The following ANKRD26 variants were observed in gnomAD, a reference collection of about 807,000 sequenced individuals.
ANKRD26 encodes ankyrin repeat domain 26, also known as ankyrin repeat domain-containing protein 26.
ANKRD26 carries 141 observed loss-of-function variants against 208.7 expected under a neutral mutation model. That is an observed-to-expected ratio of 0.68 (90% confidence interval 0.59 to 0.78). The LOEUF (loss-of-function observed/expected upper bound fraction) is 0.78, where lower values mean the gene tolerates loss of function less well. Ranked by LOEUF, ANKRD26 falls within the 30% of genes least tolerant of loss-of-function variation. ANKRD26 has a pLI of 0.00. For synonymous variants in ANKRD26, 636 were observed against 660.4 expected (o/e 0.96, Z 0.57); for missense variants, 1,889 against 1,938.7 (o/e 0.97, Z 0.48).
chr10:26,949,372 A>T, the ANKRD26 span, among the ~76,000 whole-genome samples: 1 of 152,168 alleles, frequency 6.6e-6, no homozygotes, highest in Non-Finnish European at 1.5e-5. Context: ...TAAAATACAA[A>T]CAGTCCATGA....
chr10:26,973,649 C>CTT (rs71386903), downstream of ANKRD26, among the ~76,000 whole-genome samples: 25,670 of 88,206 alleles, frequency 0.29, 5,863 homozygotes, highest in Middle Eastern at 0.41. Flanking sequence ...TTTATTTGTC[C>CTT]TTTTTTTTTT....
chr10:26,988,771 C>A (rs1164495900), downstream of ANKRD26, among the ~76,000 whole-genome samples: 2 of 151,300 alleles, frequency 1.3e-5, no homozygotes, highest in Non-Finnish European at 2.9e-5. Flanking sequence ...TCAAGCCGGG[C>A]ATGATGGCTC....
chr10:26,968,290 T>A, the ANKRD26 span, among the ~76,000 whole-genome samples: 1 of 152,202 alleles, frequency 6.6e-6, no homozygotes, highest in Non-Finnish European at 1.5e-5. Context: ...CTTCCTTTCA[T>A]TCTCTCCCCA....
At chr10:26,963,517 C>T in the ANKRD26 span, among the ~76,000 whole-genome samples, 2 of 152,158 alleles carry the variant, frequency 1.3e-5, no homozygotes, top group African/African-American at 4.8e-5. Flanking sequence ...GCTGCCCATT[C>T]CTGGATAGCA....
chr10:27,044,438 A>AT (rs1363928043), intron 18 of ANKRD26, among the ~76,000 whole-genome samples: 2 of 152,126 alleles, frequency 1.3e-5, no homozygotes, highest in African/African-American at 4.8e-5. Flanking sequence ...TAACAAACAA[A>AT]TTTAGATCAA....
At chr10:27,026,939 T>C (rs1395680033) in intron 27 of ANKRD26, among the ~76,000 whole-genome samples, 5 of 152,026 alleles carry the variant, frequency 3.3e-5, no homozygotes, top group Admixed American at 6.6e-5. Flanking sequence ...GGGCCTGCCA[T>C]CACGCCTGGC....
intron 32 of ANKRD26, 49 bp from the exon 33 acceptor site, chr10:27,007,011 A>T (rs1427909956): frequency 7.2e-7 from 1 of 1,382,822 alleles, no homozygotes; most frequent in Non-Finnish European, 1.0e-6. Context: ...GACAAGAGAC[A>T]TTAACATAGA....
At chr10:27,018,811 T>A (rs1189640740) in intron 29 of ANKRD26, among the ~76,000 whole-genome samples, 1 of 152,070 alleles carries the variant, frequency 6.6e-6, no homozygotes, top group Non-Finnish European at 1.5e-5. Flanking sequence ...TAGACCCCTA[T>A]CGAACACCAT....
chr10:27,100,057 C>G, intron 1 of ANKRD26, 28 bp downstream of exon 1: 8 of 1,613,096 alleles, frequency 5.0e-6, no homozygotes, highest in Non-Finnish European at 6.8e-6. Flanking sequence ...TCCAGTGGCA[C>G]TCAGTCCGGG....
At position 27,093,533 on chromosome 10, in the gene ANKRD26, T is replaced by C. The variant is rs1343660678; in HGVS notation, c.358-11A>G. The C allele has an allele frequency of 3.1e-6, 5 of 1,613,906 alleles. No homozygotes were observed. The African/African-American group carries it at 4.0e-5, about 13-fold the overall frequency. ...CTGGCATTGTACAGCCTGGGAGTAT[T>C]AGACCAAGAAACAGATCATAAATTC... is the stretch of plus-strand genomic sequence containing the variant. On this transcript the variant is annotated splice_polypyrimidine_tract_variant and intron_variant, in intron 2 of 33. Coordinates refer to ENST00000376087, the MANE Select transcript of ANKRD26 (RefSeq NM_014915.3).
chr10:26,950,761 T>G, the ANKRD26 span, among the ~76,000 whole-genome samples: 11 of 152,140 alleles, frequency 7.2e-5, no homozygotes, highest in Admixed American at 7.2e-4. Flanking sequence ...CTTTTTTCTT[T>G]ATAAATGACC....
rs10829175 is a variant in ANKRD26, at chr10:27,086,864, C to T, written c.639-255G>A. 0.078 allele frequency among the ~76,000 whole-genome samples: 11,729 copies of T among 149,770 alleles called. 678 individuals are homozygous for T. Among genetic ancestry groups the T allele is most frequent in the African/African-American group, 0.16 (6,720 of 40,744 alleles). ...TTGGCACACTGCAACCTCCGCCTCC[C>T]GGGTTCAAGTGATTCTCCTGCCTCA... On this transcript the variant is annotated intron_variant, in intron 4 of 33. Transcript: ENST00000376087.
At chr10:26,958,070 G>GTT in the ANKRD26 span, among the ~76,000 whole-genome samples, 314 of 116,804 alleles carry the variant, frequency 2.7e-3, 1 homozygote, top group African/African-American at 8.9e-3. Context: ...CCATCACCCA[G>GTT]TTTTATATAT....
intron 12 of ANKRD26, among the ~76,000 whole-genome samples, chr10:27,063,291 C>A (rs2055129436): frequency 6.6e-6 from 1 of 151,952 alleles, no homozygotes; most frequent in African/African-American, 2.4e-5. Flanking sequence ...CCTGCTTTTC[C>A]ATTTTCTAAA....
At position 27,038,073 on chromosome 10, in the gene ANKRD26, A is replaced by G. The variant is rs750040228; in HGVS notation, c.2376-19T>C. ...GCTAAATCTGCAGTTAAATATGTTT[A>G]TCTTAAAATCTGTATTGTTACAAAA... On this transcript the variant is annotated intron_variant, in intron 21 of 33. Transcript: ENST00000376087. 17 of 1,584,968 alleles carry G rather than the reference A, an allele frequency of 1.1e-5. No homozygotes were observed. The South Asian group carries it at 1.8e-4, about 17-fold the overall frequency.
intron 13 of ANKRD26, among the ~76,000 whole-genome samples, chr10:27,060,786 A>T (rs1159306544): frequency 2.6e-5 from 4 of 152,248 alleles, no homozygotes; most frequent in African/African-American, 9.6e-5. Flanking sequence ...GTTCCAAGTG[A>T]CTATAACTAA....
At chr10:26,988,675 G>A (rs1171868301), downstream of ANKRD26, among the ~76,000 whole-genome samples, 1 of 152,142 alleles carries the variant, frequency 6.6e-6, no homozygotes, top group African/African-American at 2.4e-5. Flanking sequence ...CTGGCTGGGA[G>A]TGGGTACAGC....
chr10:27,049,471 T>C (rs936499882), intron 16 of ANKRD26, among the ~76,000 whole-genome samples: 1 of 152,190 alleles, frequency 6.6e-6, no homozygotes, highest in African/African-American at 2.4e-5. Context: ...TAATTCTTTT[T>C]TTCGTTTGGA....
chr10:27,023,110 C>T (rs1386379979), intron 28 of ANKRD26, among the ~76,000 whole-genome samples: 2 of 152,178 alleles, frequency 1.3e-5, no homozygotes, highest in East Asian at 3.9e-4. Context: ...AGGCGGATCA[C>T]TTGAGCTCAG....
Sources: gnomAD v4.1 joint callset for allele counts (sites outside exome capture counted in the v4.1 genomes callset) on GRCh38, gnomAD v4.1.1 for gene constraint, MANE v1.5 for transcripts, NCBI Gene and HGNC (gene_info 2026-07-23, HGNC 2026-07-21) for gene names.